The following CDH12 variants were observed in gnomAD, a reference collection of about 807,000 sequenced individuals.
CDH12 encodes cadherin-12.
A neutral mutation model predicts 74.1 loss-of-function variants in CDH12; 41 were observed. That is an observed-to-expected ratio of 0.55 (90% CI 0.43 to 0.72). CDH12 has a LOEUF of 0.72. CDH12 is among the 30% of genes least tolerant of loss of function. The probability of loss-of-function intolerance (pLI) is 0.00; values close to 1 mark genes in which losing one functional copy is unlikely to be tolerated. For missense variants in CDH12, 945 were observed against 977.2 expected (o/e 0.97, Z 0.44); for synonymous variants, 399 against 355.0 (o/e 1.12, Z -1.39).
chr5:22,117,480 ATATATATATT>A (rs1381097934), intron 4 of CDH12, among the ~76,000 whole-genome samples: 22,746 of 59,344 alleles, frequency 0.38, 4,923 homozygotes, highest in Admixed American at 0.42. Context: ...TATATATATT[ATATATATATT>A]ATATATATAT....
At chr5:21,976,756 A>G (rs1476081115) in intron 5 of CDH12, among the ~76,000 whole-genome samples, 1 of 152,040 alleles carries the variant, frequency 6.6e-6, no homozygotes, top group Non-Finnish European at 1.5e-5. Flanking sequence ...GCTATGCCTT[A>G]AAAATCTGCA....
intron 1 of CDH12, among the ~76,000 whole-genome samples, chr5:22,552,811 A>AT (rs1333900319): frequency 1.3e-5 from 2 of 152,042 alleles, no homozygotes; most frequent in Non-Finnish European, 2.9e-5. Context: ...ATGTCTATGG[A>AT]TTTTTTATCC....
chr5:22,456,962 T>C (rs1043866721), intron 2 of CDH12, among the ~76,000 whole-genome samples: 6 of 151,946 alleles, frequency 3.9e-5, no homozygotes, highest in African/African-American at 1.5e-4. Flanking sequence ...TTTTTTTAAG[T>C]GCAGTAAAAG....
chr5:22,397,869 T>C (rs539251289), intron 3 of CDH12, among the ~76,000 whole-genome samples: 1 of 152,064 alleles, frequency 6.6e-6, no homozygotes, highest in Non-Finnish European at 1.5e-5. Context: ...TTAGGACATA[T>C]GCAGGGGGAA....
At chr5:22,847,108 C>T (rs1737341707) in intron 1 of CDH12, among the ~76,000 whole-genome samples, 1 of 152,078 alleles carries the variant, frequency 6.6e-6, no homozygotes, top group African/African-American at 2.4e-5. Flanking sequence ...TGATCTTCTT[C>T]TAGTAGGTGT....
At chr5:22,790,249 G>C (rs11950851) in intron 1 of CDH12, among the ~76,000 whole-genome samples, 17 of 151,818 alleles carry the variant, frequency 1.1e-4, no homozygotes, top group African/African-American at 3.6e-4. Flanking sequence ...AATAACAGAG[G>C]GGAAAAAAAT....
At chr5:22,500,629 G>C (rs1039635853) in intron 2 of CDH12, among the ~76,000 whole-genome samples, 1 of 152,120 alleles carries the variant, frequency 6.6e-6, no homozygotes, top group Non-Finnish European at 1.5e-5. Flanking sequence ...TGCTAATTGA[G>C]AGAGGCCTTA....
intron 6 of CDH12, among the ~76,000 whole-genome samples, chr5:21,955,643 AAAC>A (rs1407737511): frequency 6.6e-6 from 1 of 152,090 alleles, no homozygotes; most frequent in African/African-American, 2.4e-5. Context: ...AATGAGAAAG[AAAC>A]CAAAACCCAA....
At chr5:22,753,737 T>C (rs1745729573) in intron 1 of CDH12, among the ~76,000 whole-genome samples, 1 of 151,706 alleles carries the variant, frequency 6.6e-6, no homozygotes, top group African/African-American at 2.4e-5. Flanking sequence ...TATATGTATA[T>C]ACATTTGCGG....
intron 14 of CDH12, among the ~76,000 whole-genome samples, chr5:21,752,478 A>T (rs962468096): frequency 2.0e-5 from 3 of 152,186 alleles, no homozygotes; most frequent in Admixed American, 6.6e-5. Context: ...ATATTAAAGT[A>T]TTTTAGGGTC....
In CDH12 at chr5:21,999,507, G is replaced by T. The variant is rs369021911; in HGVS notation, c.232-24122C>A. ...AATATGATTTGATCTGAGAAGAACTGCAGCAGCCTGAAACATATATTCCCA... is the reference window on the plus strand; with the variant it reads ...AATATGATTTGATCTGAGAAGAACTTCAGCAGCCTGAAACATATATTCCCA... On this transcript the variant is annotated intron_variant, in intron 5 of 14. Transcript: ENST00000382254. Among the ~76,000 whole-genome samples, 42 of 152,276 alleles carry T rather than the reference G, an allele frequency of 2.8e-4. 1 individual carries two copies. In the East Asian group the frequency reaches 7.9e-3, roughly 29 times the overall value.
intron 6 of CDH12, among the ~76,000 whole-genome samples, chr5:21,970,156 A>G (rs1274539460): frequency 6.6e-6 from 1 of 152,142 alleles, no homozygotes; most frequent in Non-Finnish European, 1.5e-5. Flanking sequence ...TTAGATTATA[A>G]TAATACATTA....
intron 1 of CDH12, among the ~76,000 whole-genome samples, chr5:22,595,969 G>A (rs1341174234): frequency 2.0e-5 from 3 of 151,050 alleles, no homozygotes; most frequent in African/African-American, 4.8e-5. Flanking sequence ...TTAGCCTGGC[G>A]TGGTGGTGGG....
chr5:22,312,910 T>C (rs1439996206), intron 3 of CDH12, among the ~76,000 whole-genome samples: 1 of 152,242 alleles, frequency 6.6e-6, no homozygotes, highest in Non-Finnish European at 1.5e-5. Flanking sequence ...AGATGGCTTC[T>C]ACTTTCCCCT....
intron 1 of CDH12, among the ~76,000 whole-genome samples, chr5:22,705,130 T>TATATATATATATAC (rs752782183): frequency 1.7e-4 from 21 of 125,606 alleles, no homozygotes; most frequent in South Asian, 5.5e-4. Context: ...TATATATATA[T>TATATATATATATAC]ACACACACAC....
At chr5:22,775,666 A>G (rs1165511796) in intron 1 of CDH12, among the ~76,000 whole-genome samples, 1 of 152,108 alleles carries the variant, frequency 6.6e-6, no homozygotes, top group Non-Finnish European at 1.5e-5. Context: ...GCTCTGTAGA[A>G]AGTTGGAAAG....
intron 8 of CDH12, among the ~76,000 whole-genome samples, chr5:21,830,575 G>T (rs940695167): frequency 2.0e-5 from 3 of 152,042 alleles, no homozygotes; most frequent in Non-Finnish European, 4.4e-5. Flanking sequence ...GAGTATAGCT[G>T]ATCACTCTAT....
intron 1 of CDH12, among the ~76,000 whole-genome samples, chr5:22,786,679 G>T (rs1195536796): frequency 1.3e-5 from 2 of 151,946 alleles, no homozygotes; most frequent in African/African-American, 4.8e-5. Flanking sequence ...GAGAATAGAG[G>T]AAGTCTATGC....
In CDH12 at chr5:21,760,631, AG is replaced by A. The variant is rs1172189018; in HGVS notation, c.1559del (p.Ala520ValfsTer51). On this transcript the variant is annotated frameshift_variant, in exon 13 of 15. Coordinates refer to ENST00000382254, the MANE Select transcript of CDH12 (RefSeq NM_004061.5). LOFTEE classifies it high-confidence loss of function. ...ATAATCTAAAGGAGAATTGTTGCCCAGCAGGTGAAAGATCTCGGTCTGCAGC... is the reference window on the plus strand; with the variant it reads ...ATAATCTAAAGGAGAATTGTTGCCCACAGGTGAAAGATCTCGGTCTGCAGC... ...VSAADRDLSP[A>X]GQQFSFRLSP... is the part of the protein sequence containing the mutation. The A allele has an allele frequency of 6.2e-7, 1 of 1,611,992 alleles. No homozygotes were observed. Among genetic ancestry groups the A allele is most frequent in the Non-Finnish European group, 8.5e-7 (1 of 1,178,370 alleles).
Sources: gnomAD v4.1 joint callset for allele counts (sites outside exome capture counted in the v4.1 genomes callset) on GRCh38, gnomAD v4.1.1 for gene constraint, MANE v1.5 for transcripts, NCBI Gene and HGNC (gene_info 2026-07-23, HGNC 2026-07-21) for gene names.